Variants in OPCML observed in about 807,000 individuals in gnomAD.
The protein encoded by OPCML is opioid-binding protein/cell adhesion molecule.
OPCML carries 13 observed loss-of-function variants against 37.8 expected under a neutral mutation model. The observed-to-expected ratio is 0.34, with a 90% CI of 0.22 to 0.55. OPCML has a LOEUF of 0.55. Ranked by LOEUF, OPCML falls within the 20% of genes least tolerant of loss-of-function variation. The pLI is 0.91. For missense variants in OPCML, 341 were observed against 435.6 expected, an observed-to-expected ratio of 0.78 and a Z score of 1.93; for synonymous variants, 176 against 168.8, an observed-to-expected ratio of 1.04 and a Z score of -0.33.
At chr11:133,106,565 C>T (rs1949161431) in intron 1 of OPCML, among the ~76,000 whole-genome samples, 1 of 152,186 alleles carries the variant, frequency 6.6e-6, no homozygotes, top group Admixed American at 6.5e-5. Context: ...GGCTGCAGTG[C>T]TTATAGCAAT....
At chr11:133,229,725 G>T (rs7128849) in intron 1 of OPCML, among the ~76,000 whole-genome samples, 10 of 152,112 alleles carry the variant, frequency 6.6e-5, no homozygotes, top group Non-Finnish European at 1.3e-4. Context: ...GCATCCTCTG[G>T]GGGGCTTGGA....
At chr11:132,783,398 A>C (rs1947099680) in intron 2 of OPCML, among the ~76,000 whole-genome samples, 1 of 152,204 alleles carries the variant, frequency 6.6e-6, no homozygotes, top group East Asian at 1.9e-4. Context: ...CAAGGGCAAT[A>C]AATGTGACCC....
At chr11:132,714,244 T>C (rs1463848282) in intron 2 of OPCML, among the ~76,000 whole-genome samples, 1 of 152,182 alleles carries the variant, frequency 6.6e-6, no homozygotes, top group Non-Finnish European at 1.5e-5. Context: ...TTAAGACATG[T>C]CAAATAAAAA....
intron 2 of OPCML, among the ~76,000 whole-genome samples, chr11:132,801,813 G>A (rs188616678): frequency 6.6e-6 from 1 of 152,220 alleles, no homozygotes; most frequent in Non-Finnish European, 1.5e-5. Flanking sequence ...GCTATTATGT[G>A]CCATACAGTA....
At chr11:133,103,621 TCA>T (rs1949116960) in intron 1 of OPCML, among the ~76,000 whole-genome samples, 2 of 152,230 alleles carry the variant, frequency 1.3e-5, no homozygotes, top group Admixed American at 6.5e-5. Context: ...TTCTATTGTA[TCA>T]CACAGTGTTT....
chr11:132,974,572 A>C (rs2136765818), intron 1 of OPCML, among the ~76,000 whole-genome samples: 1 of 152,338 alleles, frequency 6.6e-6, no homozygotes, highest in Admixed American at 6.5e-5. Context: ...AATTAGTTCA[A>C]CCATTGTGGA....
chr11:133,508,696 C>T (rs947268727), intron 1 of OPCML, among the ~76,000 whole-genome samples: 20 of 152,186 alleles, frequency 1.3e-4, no homozygotes, highest in Non-Finnish European at 2.4e-4. Context: ...ATCTGCCAAA[C>T]GTCTTCTGCC....
At chr11:133,005,690 G>A in intron 1 of OPCML, 3 of 976,000 alleles carry the variant, frequency 3.1e-6, no homozygotes, top group Non-Finnish European at 3.7e-6. Context: ...TATATTAAAT[G>A]CATCTAATCC....
chr11:132,920,568 A>G (rs957287789), intron 2 of OPCML, among the ~76,000 whole-genome samples: 5 of 152,164 alleles, frequency 3.3e-5, no homozygotes, highest in Admixed American at 6.5e-5. Flanking sequence ...CTCCGAAGCC[A>G]GGGTGCACAC....
Position 132,782,917 on chromosome 11 carries a change from GTATATA to G in OPCML, c.147-125604_147-125599del, listed in dbSNP as rs59984496. Among the ~76,000 whole-genome samples, 882 of 125,078 alleles carry G rather than the reference GTATATA, an allele frequency of 7.1e-3. 5 individuals carry two copies. The highest frequency in any genetic ancestry group is 0.017 in the African/African-American group (586 of 34,418). 82.1% of individuals were successfully genotyped at this position (125,078 alleles called of 152,430 possible). ...AATATGTAATATATATATAGTGTGT[GTATATA>G]TATATATATATATATATATATATGT... On this transcript the variant is annotated intron_variant, in intron 2 of 7. Transcript: ENST00000524381.
rs181277638 is a variant in OPCML, at chr11:132,612,702, C to G, written c.379+44385G>C. On this transcript the variant is annotated intron_variant, in intron 3 of 7. Transcript: ENST00000524381. ...AGGTAAACCAGAAACAAATGATCCC[C>G]TATAGGGTTGAGGTGCTGTAGGAAA... is the stretch of plus-strand genomic sequence containing the variant. Among the ~76,000 whole-genome samples, 105 of 152,278 alleles carry G rather than the reference C, an allele frequency of 6.9e-4. No homozygotes were observed. The East Asian group carries it at 0.019, about 27-fold the overall frequency.
chr11:132,807,702 G>A (rs561681586), intron 2 of OPCML, among the ~76,000 whole-genome samples: 10 of 152,098 alleles, frequency 6.6e-5, no homozygotes, highest in Non-Finnish European at 1.5e-4. Flanking sequence ...GCTATAAAAC[G>A]GGAGGTCAGA....
intron 2 of OPCML, among the ~76,000 whole-genome samples, chr11:132,671,142 G>A (rs1475702882): frequency 2.0e-5 from 3 of 152,156 alleles, no homozygotes; most frequent in Non-Finnish European, 4.4e-5. Context: ...CAGATGGGCA[G>A]GGACAGATGG....
At chr11:132,486,514 CCT>C (rs1468535270) in intron 4 of OPCML, among the ~76,000 whole-genome samples, 1 of 151,848 alleles carries the variant, frequency 6.6e-6, no homozygotes, top group Non-Finnish European at 1.5e-5. Flanking sequence ...GGAATATTTT[CCT>C]CTCTCGGTGC....
At chr11:132,583,979 A>G (rs1565685050) in intron 3 of OPCML, among the ~76,000 whole-genome samples, 1 of 152,136 alleles carries the variant, frequency 6.6e-6, no homozygotes, top group Non-Finnish European at 1.5e-5. Flanking sequence ...ACAAGAAAGG[A>G]CTTAGGAAAT....
chr11:133,221,360 C>T (rs946506165), intron 1 of OPCML, among the ~76,000 whole-genome samples: 3 of 152,246 alleles, frequency 2.0e-5, no homozygotes, highest in Non-Finnish European at 4.4e-5. Context: ...GCCCCTTTCT[C>T]ACCTTCACAT....
chr11:132,771,354 A>C (rs866939925), intron 2 of OPCML, among the ~76,000 whole-genome samples: 4 of 152,204 alleles, frequency 2.6e-5, no homozygotes, highest in African/African-American at 9.6e-5. Context: ...AGCTCACTGC[A>C]GGATGCTAAG....
chr11:132,796,683 C>T (rs1421260382), intron 2 of OPCML, among the ~76,000 whole-genome samples: 1 of 149,584 alleles, frequency 6.7e-6, no homozygotes, highest in Admixed American at 6.7e-5. Context: ...ATGCCGTTCT[C>T]CTGCCTCGGC....
chr11:133,469,062 C>A (rs1033183619), intron 1 of OPCML, among the ~76,000 whole-genome samples: 2 of 152,166 alleles, frequency 1.3e-5, no homozygotes, highest in Non-Finnish European at 2.9e-5. Flanking sequence ...GCTGCACATT[C>A]TCTCCCAATA....
Sources: gnomAD v4.1 joint callset for allele counts (sites outside exome capture counted in the v4.1 genomes callset) on GRCh38, gnomAD v4.1.1 for gene constraint, MANE v1.5 for transcripts, NCBI Gene and HGNC (gene_info 2026-07-23, HGNC 2026-07-21) for gene names.